TMEM116: variants seen among roughly 807,000 people sequenced by gnomAD.
TMEM116 encodes transmembrane protein 116.
Under a neutral mutation model 44.3 loss-of-function variants are expected in TMEM116, and 38 were observed. The observed-to-expected ratio is 0.86, with a 90% CI of 0.66 to 1.12. The LOEUF is 1.12. TMEM116 is among the 50% of genes most tolerant of loss of function. The pLI, the probability that TMEM116 is intolerant of heterozygous loss-of-function variation, is 0.00. For missense variants in TMEM116, 354 were observed against 401.7 expected (o/e 0.88, Z 1.01); for synonymous variants, 132 against 144.8 (o/e 0.91, Z 0.64).
intron 4 of TMEM116, among the ~76,000 whole-genome samples, chr12:111,989,078 G>A (rs2076397173): frequency 6.6e-6 from 1 of 152,094 alleles, no homozygotes; most frequent in Non-Finnish European, 1.5e-5. Flanking sequence ...CTGATTACAA[G>A]AATCCTAGGA....
At chr12:111,993,344 G>A (rs747637701) in intron 3 of TMEM116, 2 of 512,908 alleles carry the variant, frequency 3.9e-6, no homozygotes, top group African/African-American at 3.9e-5. Flanking sequence ...TTCATTCTTT[G>A]GCTAAAGGAC....
At chr12:111,932,551 G>A (rs767453062) in intron 10 of TMEM116, 35 bp downstream of exon 10, 2 of 1,564,056 alleles carry the variant, frequency 1.3e-6, no homozygotes, top group Admixed American at 3.3e-5. Flanking sequence ...ATAAGCGGGT[G>A]TAAGAACAGA....
At chr12:111,977,155 G>A (rs1265320392) in intron 4 of TMEM116, among the ~76,000 whole-genome samples, 1 of 152,058 alleles carries the variant, frequency 6.6e-6, no homozygotes, top group African/African-American at 2.4e-5. Context: ...CAAAAAATCT[G>A]CACCTAGAAA....
intron 4 of TMEM116, among the ~76,000 whole-genome samples, chr12:111,948,067 A>T (rs1013443743): frequency 6.6e-6 from 1 of 152,148 alleles, no homozygotes; most frequent in Non-Finnish European, 1.5e-5. Flanking sequence ...AATTTTAAAA[A>T]CTGGTCGGGC....
chr12:111,945,369 A>G (rs2073182692), intron 4 of TMEM116, among the ~76,000 whole-genome samples: 1 of 143,404 alleles, frequency 7.0e-6, no homozygotes, highest in South Asian at 2.3e-4. Flanking sequence ...AAAAAAAAAA[A>G]GAAGAAGAAA....
At position 111,956,794 on chromosome 12, in the gene TMEM116, C is replaced by T. The variant is rs565176336; in HGVS notation, c.211-13425G>A. Among the ~76,000 whole-genome samples the T allele has an allele frequency of 2.0e-4, 30 of 152,336 alleles. No individual in the cohort carries two copies. The South Asian group carries it at 2.1e-3, about 11-fold the overall frequency. On this transcript the variant is annotated intron_variant, in intron 4 of 10. Coordinates refer to ENST00000552374, the MANE Select transcript of TMEM116 (RefSeq NM_001193531.2). Reference sequence around the variant, plus strand: ...CCTCCTGAAGTGCTGGGATTGCAGACGGAGTCTCGCTCACTCAGTGCTCAA... The same window carrying T: ...CCTCCTGAAGTGCTGGGATTGCAGATGGAGTCTCGCTCACTCAGTGCTCAA...
intron 9 of TMEM116, 175 bp from the exon 10 acceptor site, chr12:111,932,834 T>C (rs572694782): frequency 8.4e-6 from 5 of 597,124 alleles, no homozygotes; most frequent in Non-Finnish European, 1.5e-5. Context: ...TTCTAGTCTT[T>C]ACTGATGAAA....
At chr12:111,960,805 A>T (rs1024679274) in intron 4 of TMEM116, among the ~76,000 whole-genome samples, 2 of 152,176 alleles carry the variant, frequency 1.3e-5, no homozygotes, top group African/African-American at 4.8e-5. Context: ...AAGCTAGCAG[A>T]ACACAAGAAA....
intron 4 of TMEM116, among the ~76,000 whole-genome samples, chr12:111,981,404 G>C (rs1204632306): frequency 6.6e-6 from 1 of 152,142 alleles, no homozygotes; most frequent in African/African-American, 2.4e-5. Context: ...ACAACTTTGG[G>C]GACAGCAGTC....
At chr12:111,957,605 C>G (rs2136355800) in intron 4 of TMEM116, among the ~76,000 whole-genome samples, 1 of 151,322 alleles carries the variant, frequency 6.6e-6, no homozygotes, top group South Asian at 2.1e-4. Flanking sequence ...GGCCAGCCGC[C>G]CCGTCCGGGA....
chr12:111,938,273 C>T, intron 5 of TMEM116, 63 bp from the exon 6 acceptor site: 1 of 1,242,034 alleles, frequency 8.1e-7, no homozygotes, highest in Non-Finnish European at 1.1e-6. Context: ...TAATAAATAC[C>T]AGATCATCAG....
At chr12:111,939,388 G>T (rs1485497287) in intron 5 of TMEM116, among the ~76,000 whole-genome samples, 1 of 150,576 alleles carries the variant, frequency 6.6e-6, no homozygotes, top group Admixed American at 6.7e-5. Flanking sequence ...GGGAGGTGGA[G>T]GTTGCAGTGA....
intron 4 of TMEM116, among the ~76,000 whole-genome samples, chr12:111,977,070 G>A (rs190172683): frequency 6.6e-6 from 1 of 152,148 alleles, no homozygotes; most frequent in African/African-American, 2.4e-5. Flanking sequence ...TAATGACTCA[G>A]GATTTTTCAA....
chr12:111,931,632 T>C lies in TMEM116; in HGVS notation c.1003A>G (p.Thr335Ala), dbSNP rs2071642824. 2 of 1,614,126 alleles carry C rather than the reference T, an allele frequency of 1.2e-6. No individual in the cohort carries two copies. Among genetic ancestry groups the C allele is most frequent in the African/African-American group, 1.3e-5 (1 of 75,062 alleles). ...CCAGTATTGTAGTTTCAAAAAATGG[T>C]AGAAGTACTGGCAGGAAAAGTCAGG... is the stretch of plus-strand genomic sequence containing the variant. Reference protein sequence around the residue: ...STLTFPASTSTIF With the variant: ...STLTFPASTSAIF The change falls in exon 11 of 11, where the codon ACC becomes GCC. Residue 335 changes from threonine (T) to alanine (A), a missense_variant. Thr to Ala is a moderately conservative substitution (Grantham distance 58). Coordinates refer to ENST00000552374, the MANE Select transcript of TMEM116 (RefSeq NM_001193531.2).
chr12:112,005,820 G>A (rs2077549644), intron 1 of TMEM116: 1 of 875,564 alleles, frequency 1.1e-6, no homozygotes, highest in Non-Finnish European at 1.4e-6. Context: ...AAAGAGGAAA[G>A]ATAGACTAGT....
At chr12:111,948,301 A>G (rs1284815438) in intron 4 of TMEM116, among the ~76,000 whole-genome samples, 2 of 152,162 alleles carry the variant, frequency 1.3e-5, no homozygotes, top group African/African-American at 4.8e-5. Context: ...AGGAGTTCAG[A>G]GTAAGGTGAG....
chr12:112,003,836 G>C lies in TMEM116; in HGVS notation c.42C>G (p.Ala14=). The change falls in exon 3 of 11, where the codon GCC becomes GCG. Residue 14 remains alanine, a synonymous_variant. Coordinates refer to ENST00000552374, the MANE Select transcript of TMEM116 (RefSeq NM_001193531.2). Reference sequence around the variant, plus strand: ...TCTGTATATTATGGAATACAGCATAGGCAATAAGTGAACTTGAACCTATAA... The same window carrying C: ...TCTGTATATTATGGAATACAGCATACGCAATAAGTGAACTTGAACCTATAA... The part of the protein sequence containing the change: ...LSVIGSSSLI[A]YAVFHNIQKS... The C allele has an allele frequency of 6.6e-7, 1 of 1,514,976 alleles. No homozygotes were observed. The highest frequency in any genetic ancestry group is 8.8e-7 in the Non-Finnish European group (1 of 1,140,164). 93.8% of individuals were successfully genotyped at this position (1,514,976 alleles called of 1,614,324 possible).
chr12:111,931,736 C>G lies in TMEM116; in HGVS notation c.899G>C (p.Arg300Pro). Reference protein sequence around the residue: ...KFHQLKQEARRDADTQTPLLC... With the variant: ...KFHQLKQEARPDADTQTPLLC... ...TAATGGTGTCTGGGTATCTGCATCA[C>G]GCCGAGCCTCCTGCTTTAGTTGGTG... Residue 300 changes from arginine to proline, a missense_variant, in exon 11 of 11, where the codon CGT becomes CCT. Arg to Pro is a moderately radical substitution (Grantham distance 103, BLOSUM62 -2). Transcript: ENST00000552374. The G allele has an allele frequency of 6.2e-7, 1 of 1,612,080 alleles. No individual in the cohort carries two copies. Among genetic ancestry groups the G allele is most frequent in the East Asian group, 2.2e-5 (1 of 44,858 alleles).
intron 4 of TMEM116, among the ~76,000 whole-genome samples, chr12:111,968,123 G>T (rs2075087239): frequency 6.6e-6 from 1 of 152,150 alleles, no homozygotes; most frequent in Admixed American, 6.5e-5. Context: ...CAGAGGATTT[G>T]CAAGATCTAC....
Sources: gnomAD v4.1 joint callset for allele counts (sites outside exome capture counted in the v4.1 genomes callset) on GRCh38, gnomAD v4.1.1 for gene constraint, MANE v1.5 for transcripts, NCBI Gene and HGNC (gene_info 2026-07-23, HGNC 2026-07-21) for gene names.